RABGAP1L: variants seen among roughly 807,000 people sequenced by gnomAD.
RABGAP1L encodes rab GTPase-activating protein 1-like.
In RABGAP1L, 63 loss-of-function variants were observed where a neutral mutation model predicts 137.7. That is an observed-to-expected ratio of 0.46 (90% CI 0.37 to 0.56). The LOEUF is 0.56. Ranked by LOEUF, RABGAP1L falls within the 20% of genes least tolerant of loss-of-function variation. The pLI is 0.00. For missense variants in RABGAP1L, 1,095 were observed against 1,244.0 expected, an observed-to-expected ratio of 0.88 and a Z score of 1.80; for synonymous variants, 431 against 433.7, an observed-to-expected ratio of 0.99 and a Z score of 0.08.
intron 13 of RABGAP1L, among the ~76,000 whole-genome samples, chr1:174,486,178 A>G (rs955601869): frequency 6.8e-6 from 1 of 148,016 alleles, no homozygotes; most frequent in Admixed American, 6.7e-5. Context: ...ATCAGTTGTA[A>G]TATCTCCTTT....
At chr1:174,642,736 C>A (rs1314600476) in intron 14 of RABGAP1L, among the ~76,000 whole-genome samples, 8 of 132,962 alleles carry the variant, frequency 6.0e-5, no homozygotes, top group Non-Finnish European at 1.3e-4. Context: ...CTCCTCTCCC[C>A]CTCTCCCCCT....
chr1:174,618,120 T>A (rs1443579607), intron 13 of RABGAP1L, among the ~76,000 whole-genome samples: 1 of 152,094 alleles, frequency 6.6e-6, no homozygotes, highest in Non-Finnish European at 1.5e-5. Flanking sequence ...TGCTGAGGCT[T>A]GAGTAGGTAA....
At chr1:174,507,042 C>T (rs571860246) in intron 13 of RABGAP1L, among the ~76,000 whole-genome samples, 78 of 152,064 alleles carry the variant, frequency 5.1e-4, no homozygotes, top group African/African-American at 1.7e-3. Flanking sequence ...GCCTGGGAGG[C>T]GGAAACTTAC....
At chr1:174,758,248 T>C (rs1340500462) in intron 18 of RABGAP1L, among the ~76,000 whole-genome samples, 6 of 152,134 alleles carry the variant, frequency 3.9e-5, no homozygotes, top group Admixed American at 3.9e-4. Context: ...TCCTTTCTTT[T>C]ATCTCCCCCT....
intron 17 of RABGAP1L, among the ~76,000 whole-genome samples, chr1:174,731,639 C>T (rs903558895): frequency 3.3e-5 from 5 of 152,190 alleles, no homozygotes; most frequent in African/African-American, 1.2e-4. Flanking sequence ...TCCTGGCTTC[C>T]ATCTTCACAG....
intron 18 of RABGAP1L, among the ~76,000 whole-genome samples, chr1:174,781,486 A>G (rs1311473050): frequency 6.6e-6 from 1 of 152,078 alleles, no homozygotes; most frequent in Non-Finnish European, 1.5e-5. Flanking sequence ...AGATGAGTAG[A>G]TTGCAAAAAT....
chr1:174,859,033 C>T (rs1649780077), intron 19 of RABGAP1L, among the ~76,000 whole-genome samples: 1 of 152,210 alleles, frequency 6.6e-6, no homozygotes, highest in Non-Finnish European at 1.5e-5. Flanking sequence ...ACAGAAATAC[C>T]ATTTGACCCA....
intron 4 of RABGAP1L, among the ~76,000 whole-genome samples, chr1:174,239,799 C>G (rs1671632864): frequency 6.6e-6 from 1 of 152,128 alleles, no homozygotes; most frequent in Non-Finnish European, 1.5e-5. Context: ...TTGAATTTGT[C>G]TGGAGCCTGG....
chr1:174,162,417 A>G (rs1664545502), intron 1 of RABGAP1L, among the ~76,000 whole-genome samples: 1 of 152,152 alleles, frequency 6.6e-6, no homozygotes, highest in Non-Finnish European at 1.5e-5. Context: ...TGTGCCAAGT[A>G]AAAATATGTG....
intron 14 of RABGAP1L, among the ~76,000 whole-genome samples, chr1:174,665,297 A>G (rs1676699505): frequency 6.6e-6 from 1 of 152,160 alleles, no homozygotes; most frequent in Middle Eastern, 3.4e-3. Context: ...TAAATTATTT[A>G]ATTTTTTAGT....
At chr1:174,543,025 A>T (rs548973417) in intron 13 of RABGAP1L, among the ~76,000 whole-genome samples, 1 of 152,198 alleles carries the variant, frequency 6.6e-6, no homozygotes, top group Non-Finnish European at 1.5e-5. Context: ...TATGTGGTCA[A>T]TTATGGAATA....
chr1:174,376,908 A>C (rs1007166626), intron 12 of RABGAP1L, among the ~76,000 whole-genome samples: 3 of 152,214 alleles, frequency 2.0e-5, no homozygotes, highest in African/African-American at 7.2e-5. Context: ...AAAATATAAC[A>C]CTGTCTCTAT....
At chr1:174,437,099 TA>T (rs1012044944) in intron 13 of RABGAP1L, among the ~76,000 whole-genome samples, 2 of 152,040 alleles carry the variant, frequency 1.3e-5, no homozygotes, top group African/African-American at 4.8e-5. Context: ...CAAAGGTAGA[TA>T]AAACCACAAA....
chr1:174,289,392 A>T (rs1676370211), intron 10 of RABGAP1L, among the ~76,000 whole-genome samples: 1 of 152,018 alleles, frequency 6.6e-6, no homozygotes, highest in Admixed American at 6.6e-5. Context: ...TTGTTAATGT[A>T]TTGTTTTTCT....
chr1:174,607,881 G>A (rs988293924), intron 13 of RABGAP1L, among the ~76,000 whole-genome samples: 4 of 152,200 alleles, frequency 2.6e-5, no homozygotes, highest in African/African-American at 9.6e-5. Flanking sequence ...ACATCAGGAA[G>A]ATAGTATTGA....
intron 1 of RABGAP1L, among the ~76,000 whole-genome samples, chr1:174,195,785 T>TTTCC (rs756924503): frequency 8.9e-6 from 1 of 112,828 alleles, no homozygotes; most frequent in African/African-American, 3.6e-5. Flanking sequence ...CCTTTCTTTC[T>TTTCC]TTTCTTTCTT....
chr1:174,437,793 G>GA (rs1336835466), intron 13 of RABGAP1L, among the ~76,000 whole-genome samples: 1 of 152,076 alleles, frequency 6.6e-6, no homozygotes, highest in Non-Finnish European at 1.5e-5. Flanking sequence ...GGAAATGAAG[G>GA]AAAAAATGTT....
chr1:174,266,414 G>T (rs964488216), intron 7 of RABGAP1L, among the ~76,000 whole-genome samples: 1 of 152,072 alleles, frequency 6.6e-6, no homozygotes, highest in Non-Finnish European at 1.5e-5. Flanking sequence ...CCACTGGAAG[G>T]CAAAATCTTG....
intron 13 of RABGAP1L, among the ~76,000 whole-genome samples, chr1:174,526,602 G>C (rs1034218953): frequency 1.3e-5 from 2 of 151,868 alleles, no homozygotes; most frequent in Non-Finnish European, 2.9e-5. Context: ...TTTCTCTTAA[G>C]TTTTCCAGTT....
Sources: gnomAD v4.1 joint callset for allele counts (sites outside exome capture counted in the v4.1 genomes callset) on GRCh38, gnomAD v4.1.1 for gene constraint, MANE v1.5 for transcripts, NCBI Gene and HGNC (gene_info 2026-07-23, HGNC 2026-07-21) for gene names.